Variants in PCDH15 observed in about 807,000 individuals in gnomAD.
PCDH15 encodes the protein protocadherin-15.
In PCDH15, 129 loss-of-function variants were observed where a neutral mutation model predicts 178.5. The ratio of observed to expected loss-of-function variants is 0.72; its 90% confidence interval spans 0.63 to 0.84. PCDH15 has a LOEUF of 0.84. Ranked by LOEUF, PCDH15 falls within the 40% of genes least tolerant of loss-of-function variation. The pLI, the probability that PCDH15 is intolerant of heterozygous loss-of-function variation, is 0.00. For synonymous variants in PCDH15, 800 were observed against 732.0 expected (o/e 1.09, Z -1.50); for missense variants, 2,230 against 2,099.9 (o/e 1.06, Z -1.21).
intron 2 of PCDH15, among the ~76,000 whole-genome samples, chr10:54,936,716 GTT>G (rs113034733): frequency 5.7e-5 from 8 of 140,336 alleles, no homozygotes; most frequent in Admixed American, 1.4e-4. Context: ...CATTTTTATT[GTT>G]TTTTTTTTTA....
intron 2 of PCDH15, among the ~76,000 whole-genome samples, chr10:55,159,801 TAATA>T (rs1405438669): frequency 6.7e-6 from 1 of 148,554 alleles, no homozygotes; most frequent in African/African-American, 2.4e-5. Flanking sequence ...TATAAAGATA[TAATA>T]TATATAAAAC....
intron 1 of PCDH15, among the ~76,000 whole-genome samples, chr10:55,306,013 A>C (rs1843415097): frequency 1.3e-5 from 2 of 152,242 alleles, no homozygotes; most frequent in African/African-American, 2.4e-5. Context: ...CTTTAGCCTG[A>C]AACTGATTTT....
chr10:55,072,030 A>G (rs1320389143), intron 2 of PCDH15, among the ~76,000 whole-genome samples: 5 of 152,190 alleles, frequency 3.3e-5, no homozygotes, highest in Admixed American at 3.3e-4. Context: ...GCAGAAATAA[A>G]GATGTTCTTT....
At chr10:54,814,322 TA>T (rs1301918465) in intron 3 of PCDH15, among the ~76,000 whole-genome samples, 1 of 152,216 alleles carries the variant, frequency 6.6e-6, no homozygotes, top group African/African-American at 2.4e-5. Context: ...CATGTTTATT[TA>T]AATTCATTTT....
intron 2 of PCDH15, among the ~76,000 whole-genome samples, chr10:54,579,473 G>A (rs1236478531): frequency 3.9e-5 from 6 of 152,062 alleles, no homozygotes; most frequent in African/African-American, 1.2e-4. Flanking sequence ...CAATATTGGA[G>A]CACCCAATTC....
At chr10:55,282,651 T>C (rs1013351388) in intron 1 of PCDH15, among the ~76,000 whole-genome samples, 7 of 152,138 alleles carry the variant, frequency 4.6e-5, no homozygotes, top group Admixed American at 6.6e-5. Context: ...ACAAATATAA[T>C]TTTTTGTTCT....
At chr10:54,346,724 C>T (rs538280185) in intron 5 of PCDH15, among the ~76,000 whole-genome samples, 96 of 152,262 alleles carry the variant, frequency 6.3e-4, no homozygotes, top group African/African-American at 2.0e-3. Flanking sequence ...ACGCTGATTC[C>T]GTGTTAAACA....
chr10:54,868,747 A>G (rs1013439734), intron 3 of PCDH15, among the ~76,000 whole-genome samples: 1 of 152,194 alleles, frequency 6.6e-6, no homozygotes, highest in African/African-American at 2.4e-5. Context: ...ATTAGTAGAA[A>G]GAACTTAAAC....
At chr10:55,615,516 C>A (rs908568545) in intron 2 of PCDH15, among the ~76,000 whole-genome samples, 1 of 152,014 alleles carries the variant, frequency 6.6e-6, no homozygotes. Context: ...ATATTGTATA[C>A]GAGCACCCTC....
intron 2 of PCDH15, among the ~76,000 whole-genome samples, chr10:55,132,726 T>C (rs1419177811): frequency 1.3e-5 from 2 of 152,220 alleles, no homozygotes; most frequent in African/African-American, 4.8e-5. Context: ...AAATAATTCC[T>C]ATACTGAAGT....
chr10:54,295,643 T>G lies in PCDH15; in HGVS notation c.876+21628A>C, dbSNP rs555610398. ...CTCCGGACATACCATCTTTAAGACC[T>G]GTAACATTCACTGTGAAGCTCCGCG... On this transcript the variant is annotated intron_variant, in intron 8 of 37. Transcript: ENST00000644397. Among the ~76,000 whole-genome samples the G allele has an allele frequency of 5.3e-5, 8 of 152,278 alleles. No homozygotes were observed. The South Asian group carries it at 1.7e-3, about 32-fold the overall frequency.
At chr10:54,504,127 T>G (rs191462623) in intron 3 of PCDH15, among the ~76,000 whole-genome samples, 1 of 152,268 alleles carries the variant, frequency 6.6e-6, no homozygotes, top group Non-Finnish European at 1.5e-5. Context: ...TGTAAAAATG[T>G]ACATATTTGG....
intron 2 of PCDH15, among the ~76,000 whole-genome samples, chr10:54,603,135 G>C (rs1937413): frequency 0.94 from 143,408 of 152,062 alleles, 67,801 homozygotes; most frequent in Middle Eastern, 0.98. Flanking sequence ...AGGAATTTAT[G>C]TATTACTTCG....
At chr10:54,470,991 A>G (rs1386825940) in intron 3 of PCDH15, among the ~76,000 whole-genome samples, 9 of 152,142 alleles carry the variant, frequency 5.9e-5, no homozygotes, top group Non-Finnish European at 4.4e-5. Context: ...CACCCCACAC[A>G]ATTGAAAAAC....
At chr10:54,296,297 T>C (rs2059782565) in intron 8 of PCDH15, among the ~76,000 whole-genome samples, 1 of 152,022 alleles carries the variant, frequency 6.6e-6, no homozygotes, top group Admixed American at 6.6e-5. Context: ...ACTTTTCTTG[T>C]ACTTCTGGGC....
intron 26 of PCDH15, among the ~76,000 whole-genome samples, chr10:53,879,482 G>GAAGTTTGA (rs2080531109): frequency 6.6e-6 from 1 of 152,060 alleles, no homozygotes; most frequent in Non-Finnish European, 1.5e-5. Flanking sequence ...TAGAAGTTTG[G>GAAGTTTGA]AAGTTTGAAA....
chr10:54,051,648 A>T (rs1239176595), intron 18 of PCDH15, among the ~76,000 whole-genome samples: 1 of 152,194 alleles, frequency 6.6e-6, no homozygotes, highest in Non-Finnish European at 1.5e-5. Context: ...CAGCCTGATG[A>T]TGTGATAGAA....
intron 2 of PCDH15, among the ~76,000 whole-genome samples, chr10:55,107,582 C>G (rs1043868935): frequency 1.3e-5 from 2 of 149,766 alleles, no homozygotes; most frequent in Non-Finnish European, 3.0e-5. Context: ...ACCTCTGCCT[C>G]CTGGGTTCAA....
intron 2 of PCDH15, among the ~76,000 whole-genome samples, chr10:55,124,458 G>A (rs1837848987): frequency 6.6e-6 from 1 of 152,064 alleles, no homozygotes; most frequent in Non-Finnish European, 1.5e-5. Flanking sequence ...AACTTTAATA[G>A]AATAATTTAA....
Sources: allele counts gnomAD v4.1 joint callset (sites outside exome capture counted in the v4.1 genomes callset), GRCh38; gene constraint gnomAD v4.1.1; transcripts MANE v1.5; gene names NCBI Gene and HGNC (gene_info 2026-07-23, HGNC 2026-07-21).